CPN1: variants seen among roughly 807,000 people sequenced by gnomAD.
CPN1 encodes carboxypeptidase N subunit 1.
CPN1 carries 37 observed loss-of-function variants against 46.4 expected under a neutral mutation model. That is an observed-to-expected ratio of 0.80 (90% CI 0.61 to 1.05). The LOEUF (loss-of-function observed/expected upper bound fraction) is 1.05. Among genes scored for constraint, CPN1 ranks in the 50% least tolerant of loss-of-function variants. The pLI is 0.00. For missense variants in CPN1, 563 were observed against 602.6 expected, an observed-to-expected ratio of 0.93 and a Z score of 0.69; for synonymous variants, 224 against 235.4, an observed-to-expected ratio of 0.95 and a Z score of 0.44.
intron 5 of CPN1, among the ~76,000 whole-genome samples, chr10:100,062,998 T>G (rs982903344): frequency 2.1e-4 from 32 of 152,206 alleles, no homozygotes; most frequent in African/African-American, 7.5e-4. Context: ...CATGAGAGTT[T>G]CAACCCAATC....
chr10:100,078,904 G>GCT (rs1173936343), intron 1 of CPN1, among the ~76,000 whole-genome samples: 2 of 152,162 alleles, frequency 1.3e-5, no homozygotes, highest in Non-Finnish European at 2.9e-5. Context: ...CTCCTCTCTT[G>GCT]CTCTCCCCTC....
intron 7 of CPN1, among the ~76,000 whole-genome samples, chr10:100,054,046 G>A (rs535091354): frequency 1.2e-4 from 19 of 152,260 alleles, no homozygotes; most frequent in Admixed American, 7.9e-4. Flanking sequence ...AATTGTATGC[G>A]GTAGCAACTC....
chr10:100,081,846 A>T lies in CPN1; in HGVS notation c.-221T>A. ...CTCCCTCACTCCCTTTCTTTCTCTA[A>T]TCCAGGAAAGCCTTTTGAAAGGTTT... On this transcript the variant is annotated 5_prime_UTR_variant, in exon 1 of 9. Coordinates refer to ENST00000370418, the MANE Select transcript of CPN1 (RefSeq NM_001308.3). 1.8e-6 allele frequency: 1 copy of T among 554,110 alleles called. No homozygotes were observed. The highest frequency in any genetic ancestry group is 3.3e-5 in the East Asian group (1 of 30,618). 34.3% of individuals were successfully genotyped at this position (554,110 alleles called of 1,614,324 possible).
chr10:100,060,412 A>C (rs57965577), intron 5 of CPN1, among the ~76,000 whole-genome samples: 2,452 of 152,136 alleles, frequency 0.016, 73 homozygotes, highest in African/African-American at 0.057. Flanking sequence ...AAATACAAAA[A>C]TTAGCCAGGT....
At chr10:100,074,440 C>A (rs1332607410) in intron 2 of CPN1, among the ~76,000 whole-genome samples, 1 of 152,164 alleles carries the variant, frequency 6.6e-6, no homozygotes, top group Non-Finnish European at 1.5e-5. Context: ...TCCCACCCCA[C>A]CTACTGCAAA....
chr10:100,048,648 A>C, intron 8 of CPN1, 110 bp downstream of exon 8: 1 of 840,152 alleles, frequency 1.2e-6, no homozygotes, highest in East Asian at 2.5e-5. Context: ...GCAGTGAGCC[A>C]CAGTGGTGCC....
At chr10:100,050,089 A>G (rs1160513297) in intron 7 of CPN1, among the ~76,000 whole-genome samples, 1 of 152,218 alleles carries the variant, frequency 6.6e-6, no homozygotes, top group African/African-American at 2.4e-5. Flanking sequence ...GCGGTGGCTC[A>G]TGCCTGTAAT....
chr10:100,075,885 C>A (rs1031097637), intron 2 of CPN1, 26 bp downstream of exon 2: 10 of 1,612,186 alleles, frequency 6.2e-6, no homozygotes, highest in Non-Finnish European at 8.5e-6. Flanking sequence ...TTGATCTCTC[C>A]CCGGCATCTC....
Position 100,065,435 on chromosome 10 carries a change from A to G in CPN1, c.577-65T>C, listed in dbSNP as rs575111699. ...GGGCTACCAAACAAACGGCGGTTAGAGTAAGTCTGTCAGGAAGTGGCCTGA... is the reference window on the plus strand; with the variant it reads ...GGGCTACCAAACAAACGGCGGTTAGGGTAAGTCTGTCAGGAAGTGGCCTGA... On this transcript the variant is annotated intron_variant, in intron 3 of 8. Coordinates refer to ENST00000370418, the MANE Select transcript of CPN1 (RefSeq NM_001308.3). 1.9e-6 allele frequency: 3 copies of G among 1,581,306 alleles called. No homozygotes were observed. In the East Asian group the frequency reaches 6.8e-5, roughly 36 times the overall value.
At chr10:100,060,219 G>A (rs574510424) in intron 5 of CPN1, among the ~76,000 whole-genome samples, 1 of 152,130 alleles carries the variant, frequency 6.6e-6, no homozygotes, top group Non-Finnish European at 1.5e-5. Context: ...GGAATCATAT[G>A]CTTAAAAATT....
intron 8 of CPN1, among the ~76,000 whole-genome samples, chr10:100,044,768 C>T (rs1481910391): frequency 4.7e-5 from 7 of 150,332 alleles, no homozygotes; most frequent in Non-Finnish European, 1.0e-4. Flanking sequence ...TGGAGTGCAG[C>T]GGCACAATCT....
chr10:100,058,555 T>C (rs1219198683), intron 5 of CPN1, among the ~76,000 whole-genome samples: 1 of 152,220 alleles, frequency 6.6e-6, no homozygotes, highest in African/African-American at 2.4e-5. Flanking sequence ...TTATTTACAT[T>C]ATAATTTCAT....
In CPN1 at chr10:100,042,315, CT is replaced by C. The variant is rs540457110; in HGVS notation, c.*111del. On this transcript the variant is annotated 3_prime_UTR_variant, in exon 9 of 9. Coordinates refer to ENST00000370418, the MANE Select transcript of CPN1 (RefSeq NM_001308.3). ...CAGATGGAGACCATTCTGAATTGTT[CT>C]GAATATGTTTGTATTTAAATATGTC... 799 of 1,423,506 alleles carry C rather than the reference CT, an allele frequency of 5.6e-4. 11 individuals are homozygous for C. The East Asian group carries it at 0.018, about 32-fold the overall frequency. The allele number at this position is 1,423,506 out of a possible 1,614,324, so 88.2% of individuals were successfully genotyped here.
chr10:100,080,936 A>C (rs970157908), intron 1 of CPN1, among the ~76,000 whole-genome samples: 1 of 152,024 alleles, frequency 6.6e-6, no homozygotes, highest in Non-Finnish European at 1.5e-5. Flanking sequence ...TAAAACTGAC[A>C]CCCAAGTCCC....
chr10:100,053,794 T>C lies in CPN1; in HGVS notation c.1111+553A>G, dbSNP rs142790704. Among the ~76,000 whole-genome samples, 15 of 152,316 alleles carry C rather than the reference T, an allele frequency of 9.8e-5. No individual in the cohort carries two copies. The East Asian group carries it at 2.9e-3, about 29-fold the overall frequency. On this transcript the variant is annotated intron_variant, in intron 7 of 8. Coordinates refer to ENST00000370418, the MANE Select transcript of CPN1 (RefSeq NM_001308.3). ...GTCAGCTTACAACACCATTCTGCTG[T>C]GAGATAATTCTGTACCCTTCTAGGA...
intron 3 of CPN1, among the ~76,000 whole-genome samples, chr10:100,068,513 C>T (rs2041467767): frequency 1.3e-5 from 2 of 151,228 alleles, no homozygotes; most frequent in South Asian, 4.2e-4. Flanking sequence ...GCGCCCAGTC[C>T]CGAAAACTAA....
At chr10:100,042,957 G>C (rs2041286528) in intron 8 of CPN1, among the ~76,000 whole-genome samples, 1 of 151,920 alleles carries the variant, frequency 6.6e-6, no homozygotes. Flanking sequence ...AGCCAGGTGT[G>C]GTGGTGCACA....
chr10:100,069,893 A>G, intron 2 of CPN1, 24 bp from the exon 3 acceptor site: 1 of 1,613,662 alleles, frequency 6.2e-7, no homozygotes, highest in Non-Finnish European at 8.5e-7. Context: ...AAAAGATGAA[A>G]AATGAAGGTT....
chr10:100,070,569 G>T (rs2041478317), intron 2 of CPN1, among the ~76,000 whole-genome samples: 1 of 152,134 alleles, frequency 6.6e-6, no homozygotes, highest in Non-Finnish European at 1.5e-5. Context: ...ACATTGTATA[G>T]TTCTTAGATA....
Sources: allele counts gnomAD v4.1 joint callset (sites outside exome capture counted in the v4.1 genomes callset), GRCh38; gene constraint gnomAD v4.1.1; transcripts MANE v1.5; gene names NCBI Gene and HGNC (gene_info 2026-07-23, HGNC 2026-07-21).